Variants in ADAM23 observed in about 807,000 individuals in gnomAD.
ADAM23 encodes ADAM metallopeptidase domain 23.
In ADAM23, 33 loss-of-function variants were observed where a neutral mutation model predicts 120.1. That is an observed-to-expected ratio of 0.27 (90% CI 0.21 to 0.37). The LOEUF (loss-of-function observed/expected upper bound fraction) is 0.37. Among genes scored for constraint, ADAM23 ranks in the 10% least tolerant of loss-of-function variants. The pLI is 1.00. For synonymous variants in ADAM23, 367 were observed against 375.2 expected, an observed-to-expected ratio of 0.98 and a Z score of 0.25; for missense variants, 862 against 1,058.2, an observed-to-expected ratio of 0.81 and a Z score of 2.57.
At chr2:206,523,535 A>T (rs1384269973) in intron 3 of ADAM23, among the ~76,000 whole-genome samples, 1 of 152,192 alleles carries the variant, frequency 6.6e-6, no homozygotes, top group Non-Finnish European at 1.5e-5. Flanking sequence ...ACGTAGCTTA[A>T]AATTCTTACT....
At chr2:206,564,030 T>G (rs1158723843) in intron 13 of ADAM23, among the ~76,000 whole-genome samples, 2 of 152,080 alleles carry the variant, frequency 1.3e-5, no homozygotes, top group African/African-American at 4.8e-5. Flanking sequence ...GCGCCCGGCC[T>G]AAAATTCTTT....
At chr2:206,571,928 CATATT>C (rs1389704789) in intron 17 of ADAM23, 112 bp downstream of exon 17, 2 of 836,802 alleles carry the variant, frequency 2.4e-6, no homozygotes, top group Non-Finnish European at 3.8e-6. Context: ...GTACAGTGTA[CATATT>C]AGCCTGGCAG....
intron 2 of ADAM23, among the ~76,000 whole-genome samples, chr2:206,479,519 G>A (rs749919805): frequency 3.3e-5 from 5 of 152,116 alleles, no homozygotes; most frequent in Non-Finnish European, 5.9e-5. Flanking sequence ...ATCTAGAGCT[G>A]AAAAATCTCT....
Position 206,594,838 on chromosome 2 carries a change from A to G in ADAM23, c.2180A>G (p.Gln727Arg). The change falls in exon 23 of 26, where the codon CAA becomes CGA. Residue 727 changes from glutamine to arginine, a missense_variant. Transcript: ENST00000264377. ...ATGTGTTTAGATCGGAAGTGCCTAC[A>G]AATTCAAGCCCTAAATATGAGCAGC... ...SMMCLDRKCLQIQALNMSSCP... is the reference protein window; with the variant it reads ...SMMCLDRKCLRIQALNMSSCP... 3.1e-6 allele frequency: 5 copies of G among 1,614,214 alleles called. No homozygotes were observed. The highest frequency in any genetic ancestry group is 4.2e-6 in the Non-Finnish European group (5 of 1,180,018).
chr2:206,612,184 CT>C (rs1401895984), intron 25 of ADAM23, among the ~76,000 whole-genome samples: 1 of 152,134 alleles, frequency 6.6e-6, no homozygotes, highest in Non-Finnish European at 1.5e-5. Context: ...CCTTAATTTG[CT>C]TTAGATTTTA....
chr2:206,582,708 C>T (rs1208154670), intron 18 of ADAM23, among the ~76,000 whole-genome samples: 1 of 152,048 alleles, frequency 6.6e-6, no homozygotes, highest in Non-Finnish European at 1.5e-5. Flanking sequence ...GGATTTGTTT[C>T]AAGATTTAGA....
chr2:206,466,059 A>C (rs1262348827), intron 2 of ADAM23, among the ~76,000 whole-genome samples: 1 of 152,224 alleles, frequency 6.6e-6, no homozygotes, highest in East Asian at 1.9e-4. Context: ...GAGATATTGT[A>C]TATGACAATG....
chr2:206,455,303 G>C (rs1486618963), intron 2 of ADAM23, among the ~76,000 whole-genome samples: 4 of 152,226 alleles, frequency 2.6e-5, no homozygotes, highest in Non-Finnish European at 4.4e-5. Flanking sequence ...TTCTAGCCAT[G>C]GCTAGAGCTG....
intron 3 of ADAM23, among the ~76,000 whole-genome samples, chr2:206,511,139 C>T (rs554432378): frequency 6.6e-6 from 1 of 152,084 alleles, no homozygotes; most frequent in African/African-American, 2.4e-5. Flanking sequence ...TTGGGTTGCA[C>T]CCTTGTACTA....
At chr2:206,448,273 T>C (rs1695121417) in intron 2 of ADAM23, among the ~76,000 whole-genome samples, 1 of 152,230 alleles carries the variant, frequency 6.6e-6, no homozygotes, top group Non-Finnish European at 1.5e-5. Flanking sequence ...CCTTGATTTT[T>C]GGTGCTTACT....
At chr2:206,522,697 A>G (rs1696867292) in intron 3 of ADAM23, among the ~76,000 whole-genome samples, 2 of 152,240 alleles carry the variant, frequency 1.3e-5, no homozygotes, top group Admixed American at 1.3e-4. Flanking sequence ...GTCACCAACT[A>G]CATTCATTAT....
In ADAM23 at chr2:206,620,727, A is replaced by T. The variant is rs1699039289; in HGVS notation, c.*3100A>T. ...ATAGTGCATGAGCCCATTGAATTAG[A>T]GCTGCTCCTACTAGATAACTGAGCA... On this transcript the variant is annotated 3_prime_UTR_variant, in exon 26 of 26. Transcript: ENST00000264377. The T allele has an allele frequency of 6.6e-6, 1 of 152,164 alleles. No homozygotes were observed. Among genetic ancestry groups the T allele is most frequent in the African/African-American group, 2.4e-5 (1 of 41,420 alleles). 9.4% of individuals were successfully genotyped at this position (152,164 alleles called of 1,614,324 possible). A position where few individuals can be genotyped will look rare whatever the true frequency, so the allele number is the denominator to read the frequency against.
At chr2:206,572,413 A>T (rs1259110690) in intron 17 of ADAM23, among the ~76,000 whole-genome samples, 1 of 152,200 alleles carries the variant, frequency 6.6e-6, no homozygotes, top group Non-Finnish European at 1.5e-5. Context: ...TCTCATATAT[A>T]TAACCTCTAA....
chr2:206,531,816 A>G (rs1416485572), intron 4 of ADAM23, among the ~76,000 whole-genome samples: 1 of 152,190 alleles, frequency 6.6e-6, no homozygotes. Flanking sequence ...GTCAGCATAA[A>G]AGTAGCACCT....
chr2:206,453,454 T>G (rs1695236682), intron 2 of ADAM23, among the ~76,000 whole-genome samples: 1 of 152,382 alleles, frequency 6.6e-6, no homozygotes, highest in Non-Finnish European at 1.5e-5. Context: ...GCTTTATTCA[T>G]ACAAAGTATT....
intron 24 of ADAM23, among the ~76,000 whole-genome samples, chr2:206,604,361 G>T (rs565123054): frequency 6.6e-6 from 1 of 152,290 alleles, no homozygotes; most frequent in East Asian, 1.9e-4. Context: ...TTTTAAAAAT[G>T]AGGCTTCATA....
At chr2:206,521,174 T>A (rs1696836015) in intron 3 of ADAM23, among the ~76,000 whole-genome samples, 1 of 152,162 alleles carries the variant, frequency 6.6e-6, no homozygotes, top group Non-Finnish European at 1.5e-5. Context: ...AACTGCTGCC[T>A]TGGCTTATTT....
chr2:206,512,911 T>C (rs1296551324), intron 3 of ADAM23, among the ~76,000 whole-genome samples: 1 of 152,170 alleles, frequency 6.6e-6, no homozygotes, highest in Non-Finnish European at 1.5e-5. Flanking sequence ...TTATTTAAAT[T>C]ATTATGATCT....
At chr2:206,520,023 A>G (rs1426633754) in intron 3 of ADAM23, among the ~76,000 whole-genome samples, 1 of 152,182 alleles carries the variant, frequency 6.6e-6, no homozygotes, top group Non-Finnish European at 1.5e-5. Flanking sequence ...TCAAAAAAAT[A>G]AAAAATAAAA....
Sources: allele counts gnomAD v4.1 joint callset (sites outside exome capture counted in the v4.1 genomes callset), GRCh38; gene constraint gnomAD v4.1.1; transcripts MANE v1.5; gene names NCBI Gene and HGNC (gene_info 2026-07-23, HGNC 2026-07-21).